RIMS1: variants seen among roughly 807,000 people sequenced by gnomAD.
RIMS1 encodes the protein regulating synaptic membrane exocytosis protein 1.
A neutral mutation model predicts 214.1 loss-of-function variants in RIMS1; 83 were observed. That is an observed-to-expected ratio of 0.39 (90% CI 0.32 to 0.47). The LOEUF is 0.47. RIMS1 is among the 20% of genes least tolerant of loss of function. The pLI is 0.99. For missense variants in RIMS1, 2,050 were observed against 2,161.8 expected (o/e 0.95, Z 1.03); for synonymous variants, 793 against 786.8 (o/e 1.01, Z -0.13).
chr6:72,169,931 A>G (rs2046794660), intron 4 of RIMS1, among the ~76,000 whole-genome samples: 1 of 152,088 alleles, frequency 6.6e-6, no homozygotes, highest in African/African-American at 2.4e-5. Flanking sequence ...CATATGTGAG[A>G]TGACTTCTCT....
At chr6:72,026,809 C>T (rs1234012449) in intron 2 of RIMS1, among the ~76,000 whole-genome samples, 2 of 152,062 alleles carry the variant, frequency 1.3e-5, no homozygotes, top group Non-Finnish European at 2.9e-5. Context: ...TTTATAAGTT[C>T]ATTTCATATC....
In RIMS1 at chr6:72,182,653, G is replaced by T; in HGVS notation, c.1182G>T (p.Ala394=). 6.6e-7 allele frequency: 1 copy of T among 1,521,988 alleles called. No individual in the cohort carries two copies. The highest frequency in any genetic ancestry group is 8.8e-7 in the Non-Finnish European group (1 of 1,134,558). 94.3% of individuals were successfully genotyped at this position (1,521,988 alleles called of 1,614,324 possible). A position where few individuals can be genotyped will look rare whatever the true frequency, so the allele number is the denominator to read the frequency against. The change falls in exon 6 of 34, where the codon GCG becomes GCT. Residue 394 remains alanine (A), a synonymous_variant. Coordinates refer to ENST00000521978, the MANE Select transcript of RIMS1 (RefSeq NM_014989.7). ...ACGAGCGGCGCCACAGCGACGTGGCGCTCCCGCGCACCGAGGCGGGCGCGG... is the reference window on the plus strand; with the variant it reads ...ACGAGCGGCGCCACAGCGACGTGGCTCTCCCGCGCACCGAGGCGGGCGCGG... ...ARHERRHSDV[A]LPRTEAGAAL...
At chr6:72,111,937 T>C (rs2153820706) in intron 4 of RIMS1, among the ~76,000 whole-genome samples, 1 of 152,262 alleles carries the variant, frequency 6.6e-6, no homozygotes, top group East Asian at 1.9e-4. Context: ...AGAGTTCTAA[T>C]TGTCCTAGTA....
chr6:72,245,364 T>C (rs2068967103), intron 10 of RIMS1, among the ~76,000 whole-genome samples: 1 of 152,046 alleles, frequency 6.6e-6, no homozygotes, highest in Non-Finnish European at 1.5e-5. Context: ...GCCCATGATA[T>C]TCACCACATC....
intron 4 of RIMS1, among the ~76,000 whole-genome samples, chr6:72,152,838 G>GTA (rs10679502): frequency 0.084 from 1,748 of 20,846 alleles, 347 homozygotes; most frequent in East Asian, 0.31. Context: ...GTATATATAT[G>GTA]TATATATGGA....
At chr6:72,201,959 C>G (rs774097171) in intron 6 of RIMS1, among the ~76,000 whole-genome samples, 7 of 152,170 alleles carry the variant, frequency 4.6e-5, no homozygotes, top group Non-Finnish European at 8.8e-5. Flanking sequence ...TATTGGAAAT[C>G]CAGATACTAC....
chr6:72,378,587 T>C (rs1029743002), intron 29 of RIMS1, among the ~76,000 whole-genome samples: 1 of 152,148 alleles, frequency 6.6e-6, no homozygotes, highest in Non-Finnish European at 1.5e-5. Flanking sequence ...CCCAGCACTT[T>C]GGGAGGCCAA....
intron 19 of RIMS1, chr6:72,261,431 A>G (rs2077970723): frequency 7.1e-6 from 7 of 985,176 alleles, no homozygotes; most frequent in Non-Finnish European, 8.4e-6. Context: ...TTGCTTCTAA[A>G]TTGGAGCTTA....
At chr6:72,210,477 T>G (rs1165684780) in intron 6 of RIMS1, among the ~76,000 whole-genome samples, 1 of 152,190 alleles carries the variant, frequency 6.6e-6, no homozygotes, top group Non-Finnish European at 1.5e-5. Context: ...CTAACATCTC[T>G]GTAAACTGGT....
chr6:72,052,122 C>T (rs1824874397), intron 2 of RIMS1, among the ~76,000 whole-genome samples: 1 of 152,112 alleles, frequency 6.6e-6, no homozygotes, highest in Admixed American at 6.5e-5. Context: ...TGTATTGAGT[C>T]CTCTGGAATA....
intron 6 of RIMS1, 118 bp downstream of exon 6, chr6:72,183,267 A>G (rs1431464709): frequency 1.1e-6 from 1 of 939,460 alleles, no homozygotes; most frequent in African/African-American, 1.7e-5. Flanking sequence ...CTCACAGATA[A>G]GATAGCGTTA....
chr6:72,101,809 T>A (rs74809920), intron 4 of RIMS1, among the ~76,000 whole-genome samples: 10,630 of 152,002 alleles, frequency 0.07, 429 homozygotes, highest in Non-Finnish European at 0.093. Flanking sequence ...ATTTTCCATA[T>A]CAGCAATATT....
chr6:72,189,417 G>A (rs1216788403), intron 6 of RIMS1, among the ~76,000 whole-genome samples: 1 of 152,188 alleles, frequency 6.6e-6, no homozygotes, highest in Non-Finnish European at 1.5e-5. Flanking sequence ...GCAATGTTGT[G>A]TGGAATACCA....
chr6:72,121,065 A>G (rs1163140598), intron 4 of RIMS1, among the ~76,000 whole-genome samples: 2 of 151,826 alleles, frequency 1.3e-5, no homozygotes, highest in African/African-American at 4.8e-5. Context: ...GCCTTGTAGT[A>G]TAGTTTGAAG....
rs574715925 is a variant in RIMS1 at position 71,959,291 on chromosome 6, T to A, written c.165-9692T>A. On this transcript the variant is annotated intron_variant, in intron 1 of 33. Coordinates refer to ENST00000521978, the MANE Select transcript of RIMS1 (RefSeq NM_014989.7). ...AGTAGTGCCTGAAATAGTTCATTAATGCTTTTCCAAGTTCCATTTTCCCAT... is the reference window on the plus strand; with the variant it reads ...AGTAGTGCCTGAAATAGTTCATTAAAGCTTTTCCAAGTTCCATTTTCCCAT... Among the ~76,000 whole-genome samples the A allele has an allele frequency of 2.0e-5, 3 of 152,150 alleles. No individual in the cohort carries two copies. In the South Asian group the frequency reaches 6.2e-4, roughly 32 times the overall value.
chr6:71,920,030 A>C (rs544053756), intron 1 of RIMS1, among the ~76,000 whole-genome samples: 1 of 152,190 alleles, frequency 6.6e-6, no homozygotes, highest in African/African-American at 2.4e-5. Flanking sequence ...CACCATAAAC[A>C]TGAGAATATA....
intron 6 of RIMS1, among the ~76,000 whole-genome samples, chr6:72,232,051 A>G (rs917583323): frequency 6.6e-6 from 1 of 151,594 alleles, no homozygotes; most frequent in African/African-American, 2.4e-5. Flanking sequence ...AGTAGAAAGA[A>G]TTTTTGTCAT....
At chr6:71,958,615 C>T (rs1791993895) in intron 1 of RIMS1, among the ~76,000 whole-genome samples, 1 of 151,998 alleles carries the variant, frequency 6.6e-6, no homozygotes, top group Non-Finnish European at 1.5e-5. Context: ...TGTAGATTTA[C>T]CTGACTTAGG....
At chr6:72,045,170 A>G (rs1822610079) in intron 2 of RIMS1, among the ~76,000 whole-genome samples, 1 of 151,982 alleles carries the variant, frequency 6.6e-6, no homozygotes, top group African/African-American at 2.4e-5. Context: ...GTCAGAAAAC[A>G]GTGACTCGGG....
Sources: gnomAD v4.1 joint callset for allele counts (sites outside exome capture counted in the v4.1 genomes callset) on GRCh38, gnomAD v4.1.1 for gene constraint, MANE v1.5 for transcripts, NCBI Gene and HGNC (gene_info 2026-07-23, HGNC 2026-07-21) for gene names.